The following SUGCT variants were observed in gnomAD, a reference collection of about 807,000 sequenced individuals.
SUGCT encodes succinyl-CoA:glutarate CoA-transferase.
SUGCT carries 41 observed loss-of-function variants against 55.0 expected under a neutral mutation model. The ratio of observed to expected loss-of-function variants is 0.74; its 90% confidence interval spans 0.58 to 0.97. The LOEUF (loss-of-function observed/expected upper bound fraction) is 0.97. SUGCT is among the 50% of genes least tolerant of loss of function. The probability of loss-of-function intolerance (pLI) is 0.00; values close to 1 mark genes in which losing one functional copy is unlikely to be tolerated. For missense variants in SUGCT, 568 were observed against 547.8 expected, an observed-to-expected ratio of 1.04 and a Z score of -0.37; for synonymous variants, 187 against 200.4, an observed-to-expected ratio of 0.93 and a Z score of 0.56.
At chr7:40,146,959 CCT>C (rs1457810444) in intron 1 of SUGCT, among the ~76,000 whole-genome samples, 1 of 152,066 alleles carries the variant, frequency 6.6e-6, no homozygotes, top group African/African-American at 2.4e-5. Flanking sequence ...CTTCTTTCTT[CCT>C]CTCTTTGACT....
At chr7:40,508,298 CG>C (rs796150034) in intron 12 of SUGCT, among the ~76,000 whole-genome samples, 85 of 152,216 alleles carry the variant, frequency 5.6e-4, no homozygotes, top group African/African-American at 1.9e-3. Context: ...CTTGGCCTGC[CG>C]TGCCTAAGGT....
intron 9 of SUGCT, among the ~76,000 whole-genome samples, chr7:40,319,490 A>G (rs1333195307): frequency 1.3e-5 from 2 of 152,218 alleles, no homozygotes; most frequent in South Asian, 2.1e-4. Context: ...TGGGCTGTCT[A>G]TAATGGAAGA....
the SUGCT span, among the ~76,000 whole-genome samples, chr7:40,977,918 T>G: frequency 2.0e-5 from 3 of 152,174 alleles, no homozygotes; most frequent in Non-Finnish European, 4.4e-5. Context: ...AAAGCCTGCC[T>G]CTGTAGCCTG....
Position 40,397,929 on chromosome 7 carries a change from C to T in SUGCT, c.817-51358C>T, listed in dbSNP as rs145981811. ...CTGCCTACCTCAAATATCTGTCTCT[C>T]CTCAATCTCTGACTGAGGTCTTGCT... On this transcript the variant is annotated intron_variant, in intron 9 of 13. Transcript: ENST00000335693. Among the ~76,000 whole-genome samples, 101 of 152,262 alleles carry T rather than the reference C, an allele frequency of 6.6e-4. 1 individual carries two copies. In the East Asian group the frequency reaches 0.016, roughly 24 times the overall value.
chr7:40,954,255 C>T, the SUGCT span, among the ~76,000 whole-genome samples: 5 of 152,150 alleles, frequency 3.3e-5, no homozygotes, highest in Non-Finnish European at 7.4e-5. Context: ...CTGAGCCAGG[C>T]GTGGGATATA....
rs59580052 is a variant in SUGCT at position 40,654,549 on chromosome 7, C to G, written c.1090-94885C>G. On this transcript the variant is annotated intron_variant, in intron 12 of 13. Coordinates refer to ENST00000335693, the MANE Select transcript of SUGCT (RefSeq NM_001193313.2). ...TGTTTATAAACAGAACAGAGTGTAA[C>G]GAGAGCAAATGCTCAACCACATCAA... 6.1e-4 allele frequency among the ~76,000 whole-genome samples: 93 copies of G among 152,088 alleles called. 1 individual carries two copies. Among genetic ancestry groups the G allele is most frequent in the Non-Finnish European group, 1.0e-3 (69 of 68,022 alleles).
At chr7:40,870,926 G>A in the SUGCT span, among the ~76,000 whole-genome samples, 1 of 151,978 alleles carries the variant, frequency 6.6e-6, no homozygotes, top group Non-Finnish European at 1.5e-5. Context: ...TGAATTGAAT[G>A]TCCTTTCAAC....
At chr7:40,312,969 G>A (rs1041128132) in intron 8 of SUGCT, among the ~76,000 whole-genome samples, 5 of 152,164 alleles carry the variant, frequency 3.3e-5, no homozygotes, top group Admixed American at 1.3e-4. Context: ...ATCCTCATTC[G>A]GTGGAAGTGG....
chr7:40,371,509 C>T (rs561508413), intron 9 of SUGCT, among the ~76,000 whole-genome samples: 2 of 152,154 alleles, frequency 1.3e-5, no homozygotes, highest in South Asian at 4.1e-4. Flanking sequence ...CTTCAGGTTC[C>T]TAAAAGCATT....
At chr7:40,646,995 C>T (rs1035821484) in intron 12 of SUGCT, among the ~76,000 whole-genome samples, 4 of 152,152 alleles carry the variant, frequency 2.6e-5, no homozygotes, top group South Asian at 2.1e-4. Context: ...AAATCCAGAC[C>T]GCTGTGCTCT....
chr7:40,554,872 T>TA (rs1393700734), intron 12 of SUGCT, among the ~76,000 whole-genome samples: 2 of 152,336 alleles, frequency 1.3e-5, no homozygotes, highest in East Asian at 3.9e-4. Flanking sequence ...CTCCTCTGCC[T>TA]AATGGTTCCT....
intron 9 of SUGCT, among the ~76,000 whole-genome samples, chr7:40,356,677 T>C (rs1019753961): frequency 1.3e-5 from 2 of 152,246 alleles, no homozygotes; most frequent in Admixed American, 6.5e-5. Context: ...TTTGCCACTC[T>C]AAATTGTAAC....
At chr7:40,575,943 C>CA (rs766046012) in intron 12 of SUGCT, among the ~76,000 whole-genome samples, 2,027 of 69,054 alleles carry the variant, frequency 0.029, 38 homozygotes, top group African/African-American at 0.061. Flanking sequence ...GACACTGTCT[C>CA]AAAAAAAAAA....
chr7:40,431,948 T>A (rs1451189790), intron 9 of SUGCT, among the ~76,000 whole-genome samples: 1 of 152,218 alleles, frequency 6.6e-6, no homozygotes, highest in East Asian at 1.9e-4. Context: ...TTTTCCCCCA[T>A]ATAGGATTAT....
At chr7:40,183,594 A>C (rs1267691597) in intron 3 of SUGCT, among the ~76,000 whole-genome samples, 16 of 152,156 alleles carry the variant, frequency 1.1e-4, no homozygotes, top group Admixed American at 7.9e-4. Flanking sequence ...GCCTTTCAGA[A>C]TGTTGGAATT....
chr7:40,548,842 T>A (rs936785569), intron 12 of SUGCT, among the ~76,000 whole-genome samples: 1 of 152,232 alleles, frequency 6.6e-6, no homozygotes, highest in Non-Finnish European at 1.5e-5. Context: ...CTATTCATCC[T>A]TTCCTATCTT....
At chr7:40,154,241 A>C (rs1783768141) in intron 1 of SUGCT, 1 of 158,368 alleles carries the variant, frequency 6.3e-6, no homozygotes, top group Non-Finnish European at 1.4e-5. Context: ...TGAGAGCAAA[A>C]TAGTATTTAA....
chr7:40,802,109 A>T (rs1790850541), intron 13 of SUGCT, among the ~76,000 whole-genome samples: 1 of 152,172 alleles, frequency 6.6e-6, no homozygotes, highest in African/African-American at 2.4e-5. Flanking sequence ...TAAGCTAAAT[A>T]AGAGGAAACA....
intron 6 of SUGCT, among the ~76,000 whole-genome samples, chr7:40,235,659 C>A (rs1788973477): frequency 6.6e-6 from 1 of 152,178 alleles, no homozygotes; most frequent in Non-Finnish European, 1.5e-5. Context: ...TATTTTTGCA[C>A]TCATTCATTC....
Sources: allele counts gnomAD v4.1 joint callset (sites outside exome capture counted in the v4.1 genomes callset), GRCh38; gene constraint gnomAD v4.1.1; transcripts MANE v1.5; gene names NCBI Gene and HGNC (gene_info 2026-07-23, HGNC 2026-07-21).